Variants in GBP7 observed in about 807,000 individuals in gnomAD.
GBP7 encodes the protein guanylate binding protein 7.
Under a neutral mutation model 61.3 loss-of-function variants are expected in GBP7, and 43 were observed. That is an observed-to-expected ratio of 0.70 (90% CI 0.55 to 0.91). The LOEUF is 0.91. Among genes scored for constraint, GBP7 ranks in the 40% least tolerant of loss-of-function variants. The pLI, the probability that GBP7 is intolerant of heterozygous loss-of-function variation, is 0.00. For synonymous variants in GBP7, 267 were observed against 271.0 expected (o/e 0.99, Z 0.14); for missense variants, 717 against 740.5 (o/e 0.97, Z 0.37).
At chr1:89,133,172 C>G in intron 10 of GBP7, 86 bp downstream of exon 10, 1 of 922,034 alleles carries the variant, frequency 1.1e-6, no homozygotes, top group South Asian at 1.6e-5. Context: ...CTTCTGAAAT[C>G]TTGACTGAGC....
chr1:89,174,932 T>A (rs1028465347), intron 1 of GBP7, among the ~76,000 whole-genome samples: 5 of 152,236 alleles, frequency 3.3e-5, no homozygotes, highest in Non-Finnish European at 7.3e-5. Context: ...ATCTCTGCTG[T>A]ATAGAGAGTA....
rs560519035 is a variant in GBP7, at chr1:89,140,452, A to T, written c.1468+1094T>A. Among the ~76,000 whole-genome samples, 184 of 86,408 alleles carry T rather than the reference A, an allele frequency of 2.1e-3. 1 individual carries two copies. Among genetic ancestry groups the T allele is most frequent in the African/African-American group, 7.3e-3 (157 of 21,410 alleles). The allele number at this position is 86,408 out of a possible 152,430, so 56.7% of individuals were successfully genotyped here. The stretch of plus-strand genomic sequence containing the variant: ...ACTTAAAGTATAATAATAATAATAA[A>T]AAAAACTGAAAAAAAAAAGAAAAAT... On this transcript the variant is annotated intron_variant, in intron 9 of 10. Coordinates refer to ENST00000294671, the MANE Select transcript of GBP7 (RefSeq NM_207398.3).
chr1:89,133,273 C>A lies in GBP7; in HGVS notation c.1647G>T (p.Leu549Phe), dbSNP rs377269862. 15 of 1,590,556 alleles carry A rather than the reference C, an allele frequency of 9.4e-6. No individual in the cohort carries two copies. Among genetic ancestry groups the A allele is most frequent in the Non-Finnish European group, 1.3e-5 (15 of 1,162,468 alleles). ...CCAGACTCACCTTCATCTTGTGACT[C>A]AACATCTTTCTCAGTTCTCTCATAT... ...ENYMRELRKM[L>F]SHKMKVLEEL... The change falls in exon 10 of 11, where the codon TTG becomes TTT. Residue 549 changes from leucine (L) to phenylalanine (F), a missense_variant. This residue lies in a region of GBP7 where 312 missense variants were observed against 310.1 expected (regional missense o/e 1.01). Coordinates refer to ENST00000294671, the MANE Select transcript of GBP7 (RefSeq NM_207398.3).
chr1:89,132,047 G>T lies in GBP7; in HGVS notation c.*102C>A. ...TGAACTTCAGGCCATAATATTCTTT[G>T]AAATTTGCTTTTTAATTTTAAACTT... On this transcript the variant is annotated 3_prime_UTR_variant, in exon 11 of 11. Coordinates refer to ENST00000294671, the MANE Select transcript of GBP7 (RefSeq NM_207398.3). The T allele has an allele frequency of 3.2e-6, 3 of 930,602 alleles. No homozygotes were observed. The highest frequency in any genetic ancestry group is 4.2e-5 in the South Asian group (2 of 47,648). 57.6% of individuals were successfully genotyped at this position (930,602 alleles called of 1,614,324 possible).
chr1:89,143,837 C>G (rs1391995389), intron 8 of GBP7, among the ~76,000 whole-genome samples: 1 of 152,194 alleles, frequency 6.6e-6, no homozygotes, highest in Non-Finnish European at 1.5e-5. Context: ...GCCCCACCTC[C>G]AGCACTGGGG....
intron 3 of GBP7, among the ~76,000 whole-genome samples, chr1:89,160,173 G>A (rs964189994): frequency 6.6e-6 from 1 of 152,130 alleles, no homozygotes; most frequent in Admixed American, 6.5e-5. Flanking sequence ...AGATCACTTG[G>A]ACACAGGGTG....
rs1681684793 is a variant in GBP7, at chr1:89,131,903, C to T, written c.*246G>A. The T allele has an allele frequency of 3.1e-6, 1 of 318,908 alleles. No individual in the cohort carries two copies. The highest frequency in any genetic ancestry group is 5.7e-6 in the Non-Finnish European group (1 of 176,410). 19.8% of individuals were successfully genotyped at this position (318,908 alleles called of 1,614,324 possible). A position where few individuals can be genotyped will look rare whatever the true frequency, so the allele number is the denominator to read the frequency against. On this transcript the variant is annotated 3_prime_UTR_variant, in exon 11 of 11. Coordinates refer to ENST00000294671, the MANE Select transcript of GBP7 (RefSeq NM_207398.3). ...CTATAACATTAATTGAAAATAATTT[C>T]TTTATATTACCATTTGTCCTTTTGC...
intron 9 of GBP7, among the ~76,000 whole-genome samples, chr1:89,139,775 TA>T (rs1465016693): frequency 2.6e-4 from 40 of 152,146 alleles, no homozygotes; most frequent in Non-Finnish European, 1.0e-4. Context: ...TGGCGATCAT[TA>T]AAAAGTCAGG....
At chr1:89,151,444 T>G (rs1682196432) in intron 5 of GBP7, among the ~76,000 whole-genome samples, 1 of 152,206 alleles carries the variant, frequency 6.6e-6, no homozygotes, top group African/African-American at 2.4e-5. Flanking sequence ...GAAAAATGTT[T>G]GAAAGAGACG....
chr1:89,156,500 T>C (rs1363203505), intron 3 of GBP7, among the ~76,000 whole-genome samples: 2 of 152,108 alleles, frequency 1.3e-5, no homozygotes, highest in African/African-American at 4.8e-5. Context: ...GATAAAGGGA[T>C]GGAGGAAGAT....
At chr1:89,138,165 AC>A (rs1202889611) in intron 9 of GBP7, among the ~76,000 whole-genome samples, 1 of 152,040 alleles carries the variant, frequency 6.6e-6, no homozygotes, top group East Asian at 1.9e-4. Context: ...GACTGCACAA[AC>A]AAATGGAAAA....
At chr1:89,132,451 G>T (rs1157821670) in intron 10 of GBP7, 48 bp from the exon 11 acceptor site, 3 of 1,422,894 alleles carry the variant, frequency 2.1e-6, no homozygotes, top group African/African-American at 2.9e-5. Context: ...ATTTTTAAGA[G>T]ACCGAGGTTT....
chr1:89,174,206 ACT>A (rs1291755973), intron 1 of GBP7, among the ~76,000 whole-genome samples: 14 of 152,072 alleles, frequency 9.2e-5, no homozygotes, highest in African/African-American at 3.4e-4. Flanking sequence ...GCAATGAATA[ACT>A]CTGCTAACGT....
chr1:89,157,981 A>G (rs910990271), intron 3 of GBP7, among the ~76,000 whole-genome samples: 3 of 152,186 alleles, frequency 2.0e-5, no homozygotes, highest in Admixed American at 6.5e-5. Flanking sequence ...TGGCAAACCA[A>G]ATCCAGCTGC....
intron 3 of GBP7, among the ~76,000 whole-genome samples, chr1:89,154,979 C>T (rs1483187264): frequency 4.6e-5 from 7 of 152,038 alleles, no homozygotes; most frequent in East Asian, 1.9e-4. Context: ...CTCAAACAGC[C>T]GGGTGCCCCT....
intron 3 of GBP7, among the ~76,000 whole-genome samples, chr1:89,161,040 G>T (rs1487077642): frequency 6.6e-6 from 1 of 151,994 alleles, no homozygotes. Context: ...GTGGTATTTG[G>T]TTTCCTGTTC....
intron 2 of GBP7, among the ~76,000 whole-genome samples, chr1:89,166,685 G>C (rs1341433104): frequency 6.6e-6 from 1 of 152,202 alleles, no homozygotes; most frequent in Non-Finnish European, 1.5e-5. Flanking sequence ...AAAAGCTCTC[G>C]CACACACTTT....
chr1:89,150,344 A>G lies in GBP7; in HGVS notation c.857T>C (p.Leu286Pro). The change falls in exon 6 of 11, where the codon CTT becomes CCT. Residue 286 changes from leucine to proline, a missense_variant. Leu to Pro is a moderately conservative substitution (Grantham distance 98). Coordinates refer to ENST00000294671, the MANE Select transcript of GBP7 (RefSeq NM_207398.3). ...AKTKTLREGI[L>P]VTGNRLGMLV... ...AATAGACTCACGGTTTCCAGTGACA[A>G]GGATTCCCTCTCTCAGGGTCTTGGT... is the stretch of plus-strand genomic sequence containing the variant. 1.9e-6 allele frequency: 3 copies of G among 1,613,112 alleles called. No individual in the cohort carries two copies. The highest frequency in any genetic ancestry group is 2.7e-5 in the African/African-American group (2 of 75,038).
chr1:89,147,917 GT>G, intron 7 of GBP7, 138 bp from the exon 8 acceptor site: 2 of 813,272 alleles, frequency 2.5e-6, no homozygotes, highest in Non-Finnish European at 3.9e-6. Flanking sequence ...CAGAAGACTT[GT>G]TTTAGTTCCA....
Sources: allele counts gnomAD v4.1 joint callset (sites outside exome capture counted in the v4.1 genomes callset), GRCh38; gene constraint gnomAD v4.1.1; regional missense constraint gnomAD v4.1.1; transcripts MANE v1.5; gene names NCBI Gene and HGNC (gene_info 2026-07-23, HGNC 2026-07-21).